PTK2: variants seen among roughly 807,000 people sequenced by gnomAD.
The protein encoded by PTK2 is protein tyrosine kinase 2.
In PTK2, 45 loss-of-function variants were observed where a neutral mutation model predicts 150.1. The ratio of observed to expected loss-of-function variants is 0.30; its 90% CI spans 0.24 to 0.38. The LOEUF (loss-of-function observed/expected upper bound fraction) is 0.38, where lower values mean the gene tolerates loss of function less well. PTK2 is among the 10% of genes least tolerant of loss of function. PTK2 has a pLI of 1.00. For synonymous variants in PTK2, 432 were observed against 449.2 expected (o/e 0.96, Z 0.48); for missense variants, 919 against 1,307.3 (o/e 0.70, Z 4.58).
chr8:140,684,354 A>G (rs1267498031), intron 27 of PTK2, among the ~76,000 whole-genome samples: 1 of 152,246 alleles, frequency 6.6e-6, no homozygotes, highest in Non-Finnish European at 1.5e-5. Flanking sequence ...CGAGAATCTA[A>G]TGCTGCCACT....
At chr8:140,879,685 A>AAC in intron 3 of PTK2, 48 bp from the exon 4 acceptor site, 1 of 1,260,222 alleles carries the variant, frequency 7.9e-7, no homozygotes, top group Non-Finnish European at 1.0e-6. Flanking sequence ...TGAAAAAAAA[A>AAC]AAAAAAAAAA....
At chr8:140,666,182 A>G (rs994902799) in intron 30 of PTK2, among the ~76,000 whole-genome samples, 2 of 152,188 alleles carry the variant, frequency 1.3e-5, no homozygotes, top group African/African-American at 2.4e-5. Context: ...TACTAAAAAT[A>G]CAAAAATAAG....
chr8:140,887,801 T>C (rs951201602), intron 3 of PTK2, among the ~76,000 whole-genome samples: 10 of 152,320 alleles, frequency 6.6e-5, no homozygotes, highest in South Asian at 6.2e-4. Context: ...TCATAACACA[T>C]TGATATATTT....
intron 1 of PTK2, among the ~76,000 whole-genome samples, chr8:140,999,255 G>T (rs1468010618): frequency 6.6e-6 from 1 of 152,188 alleles, no homozygotes; most frequent in Non-Finnish European, 1.5e-5. Flanking sequence ...CGTCTACACT[G>T]AAGTCTTAGG....
At chr8:140,982,910 T>C (rs191588978) in intron 1 of PTK2, among the ~76,000 whole-genome samples, 1 of 152,344 alleles carries the variant, frequency 6.6e-6, no homozygotes, top group Admixed American at 6.5e-5. Context: ...TGTATATGTT[T>C]GAAAACTTCT....
At chr8:140,921,522 C>T (rs2100167441) in intron 2 of PTK2, among the ~76,000 whole-genome samples, 1 of 152,084 alleles carries the variant, frequency 6.6e-6, no homozygotes, top group African/African-American at 2.4e-5. Flanking sequence ...AATAAAAATC[C>T]TTTCTGGAAA....
At position 140,688,756 on chromosome 8, in the gene PTK2, A is replaced by G. The variant is rs1182898580; in HGVS notation, c.2500-2062T>C. Among the ~76,000 whole-genome samples the G allele has an allele frequency of 2.6e-5, 4 of 152,342 alleles. No homozygotes were observed. The East Asian group carries it at 7.7e-4, about 29-fold the overall frequency. ...CTCAATGAGTAAACCAGAAAAGTTCAGAATAAATATTTCTGAACTCTGAAG... is the reference window on the plus strand; with the variant it reads ...CTCAATGAGTAAACCAGAAAAGTTCGGAATAAATATTTCTGAACTCTGAAG... On this transcript the variant is annotated intron_variant, in intron 26 of 31. Transcript: ENST00000522684.
At chr8:140,904,556 AG>A (rs778739977) in intron 2 of PTK2, among the ~76,000 whole-genome samples, 4 of 152,192 alleles carry the variant, frequency 2.6e-5, no homozygotes, top group Non-Finnish European at 4.4e-5. Context: ...TGCTTGGAAT[AG>A]TTTCAAAAGG....
chr8:140,947,511 C>CTGT (rs1042398633), intron 1 of PTK2, among the ~76,000 whole-genome samples: 1 of 152,166 alleles, frequency 6.6e-6, no homozygotes, highest in Non-Finnish European at 1.5e-5. Context: ...AATCCTCACC[C>CTGT]TACAGATCAA....
chr8:140,901,570 C>G (rs2100158444), intron 2 of PTK2, among the ~76,000 whole-genome samples: 1 of 151,040 alleles, frequency 6.6e-6, no homozygotes, highest in Non-Finnish European at 1.5e-5. Context: ...TTAGAAAACT[C>G]AATAGAAGGA....
intron 15 of PTK2, 67 bp downstream of exon 17, chr8:140,764,167 A>T (rs776468667): frequency 1.6e-6 from 2 of 1,273,016 alleles, no homozygotes; most frequent in Non-Finnish European, 2.3e-6. Flanking sequence ...AGTAAGTATC[A>T]ATAACTTTTA....
intron 20 of PTK2, among the ~76,000 whole-genome samples, chr8:140,740,971 C>T (rs1345509068): frequency 6.6e-6 from 1 of 151,342 alleles, no homozygotes; most frequent in Non-Finnish European, 1.5e-5. Flanking sequence ...AGTGAGATCT[C>T]ATCTCTACAA....
At chr8:140,928,917 A>G (rs1295535260) in intron 1 of PTK2, among the ~76,000 whole-genome samples, 1 of 150,842 alleles carries the variant, frequency 6.6e-6, no homozygotes, top group Non-Finnish European at 1.5e-5. Context: ...AAACTGGTAA[A>G]TGTCAAATTT....
At position 140,730,963 on chromosome 8, in the gene PTK2, C is replaced by G. The variant is rs1325209013; in HGVS notation, c.2030+4288G>C. On this transcript the variant is annotated intron_variant, in intron 22 of 31. Coordinates refer to ENST00000522684, the Ensembl canonical transcript of PTK2. ...CAGGAATTAAATTAAACCCCCCCCC[C>G]CCTTTTTTTTTTGAGACAAAGTCTC... Among the ~76,000 whole-genome samples the G allele has an allele frequency of 5.6e-5, 8 of 142,434 alleles. 1 individual carries two copies. Among genetic ancestry groups the G allele is most frequent in the South Asian group, 5.1e-4 (2 of 3,946 alleles). 93.4% of individuals were successfully genotyped at this position (142,434 alleles called of 152,430 possible).
At chr8:140,768,994 G>A (rs913826256) in intron 14 of PTK2, among the ~76,000 whole-genome samples, 1 of 152,020 alleles carries the variant, frequency 6.6e-6, no homozygotes, top group Non-Finnish European at 1.5e-5. Context: ...TAGTATAAAG[G>A]AGGATAAAGT....
intron 1 of PTK2, among the ~76,000 whole-genome samples, chr8:140,961,581 G>A (rs779996272): frequency 2.6e-5 from 4 of 151,854 alleles, no homozygotes; most frequent in Non-Finnish European, 5.9e-5. Flanking sequence ...AGAATGGCGT[G>A]AACCTGGGAG....
At chr8:140,750,686 T>A (rs1484391338) in intron 17 of PTK2, among the ~76,000 whole-genome samples, 1 of 152,214 alleles carries the variant, frequency 6.6e-6, no homozygotes, top group Non-Finnish European at 1.5e-5. Context: ...CCTTGCTCTT[T>A]AAGAGCTTAC....
exon 25 of PTK2, chr8:140,702,590 T>G (rs764882462): frequency 1.2e-6 from 2 of 1,613,596 alleles, no homozygotes; most frequent in East Asian, 4.5e-5. Context: ...GGCTGCCACA[T>G]TGCTATCTCC....
rs771123576 is a variant in PTK2, at chr8:140,793,335, CA to C, written c.1124+18del. On this transcript the variant is annotated intron_variant, in intron 13 of 31. Coordinates refer to ENST00000522684, the Ensembl canonical transcript of PTK2. Reference sequence around the variant, plus strand: ...TTTCCAACAAAACAAAATAACAGTACAAAAAAAGCAGTACTTACTTTGGTAT... The same window carrying C: ...TTTCCAACAAAACAAAATAACAGTACAAAAAAGCAGTACTTACTTTGGTAT... 4 of 1,597,820 alleles carry C rather than the reference CA, an allele frequency of 2.5e-6. No individual in the cohort carries two copies. Among genetic ancestry groups the C allele is most frequent in the Admixed American group, 3.6e-5 (2 of 56,080 alleles).
Sources: gnomAD v4.1 joint callset for allele counts (sites outside exome capture counted in the v4.1 genomes callset) on GRCh38, gnomAD v4.1.1 for gene constraint, MANE v1.5 for transcripts, NCBI Gene and HGNC (gene_info 2026-07-23, HGNC 2026-07-21) for gene names.